The following APP variants were observed in gnomAD, a reference collection of about 807,000 sequenced individuals.
The protein encoded by APP is amyloid beta precursor protein, also known as amyloid-beta precursor protein.
A neutral mutation model predicts 101.4 loss-of-function variants in APP; 31 were observed. The ratio of observed to expected loss-of-function variants is 0.31; its 90% confidence interval spans 0.23 to 0.41. The LOEUF is 0.41. Among genes scored for constraint, APP ranks in the 10% least tolerant of loss-of-function variants. The pLI is 1.00. For synonymous variants in APP, 366 were observed against 364.4 expected (o/e 1.00, Z -0.05); for missense variants, 839 against 1,003.7 (o/e 0.84, Z 2.22).
intron 11 of APP, among the ~76,000 whole-genome samples, chr21:25,958,316 T>C (rs1468604727): frequency 6.6e-6 from 1 of 152,108 alleles, no homozygotes; most frequent in Non-Finnish European, 1.5e-5. Flanking sequence ...TCGCCCTGTC[T>C]CCCAGGCTGG....
At chr21:25,935,860 A>AC (rs1569077404) in intron 13 of APP, among the ~76,000 whole-genome samples, 1 of 150,636 alleles carries the variant, frequency 6.6e-6, no homozygotes, top group Non-Finnish European at 1.5e-5. Flanking sequence ...AAAAAAAAAA[A>AC]ACCTGTCAAA....
chr21:26,103,650 C>G lies in APP; in HGVS notation c.225+8329G>C, dbSNP rs141514499. Among the ~76,000 whole-genome samples, 849 of 152,252 alleles carry G rather than the reference C, an allele frequency of 5.6e-3. 8 individuals carry two copies. The highest frequency in any genetic ancestry group is 0.017 in the Middle Eastern group (5 of 294). ...TTCTATCAATGGATAGAAATGGTCT[C>G]TGCAAAAGGAAAGTATAGGCTCCAT... On this transcript the variant is annotated intron_variant, in intron 2 of 17. Coordinates refer to ENST00000346798, the MANE Select transcript of APP (RefSeq NM_000484.4).
chr21:25,918,982 T>C (rs2039504510), intron 13 of APP, among the ~76,000 whole-genome samples: 1 of 62,132 alleles, frequency 1.6e-5, no homozygotes, highest in South Asian at 6.7e-4. Flanking sequence ...AATGTCCCTG[T>C]CTGACAGCTT....
intron 13 of APP, among the ~76,000 whole-genome samples, chr21:25,953,088 T>G (rs951023031): frequency 8.7e-6 from 1 of 115,298 alleles, no homozygotes; most frequent in East Asian, 2.6e-4. Flanking sequence ...CACTATGAAG[T>G]TGCTTTTTTT....
At chr21:26,030,732 G>A (rs965641706) in intron 5 of APP, among the ~76,000 whole-genome samples, 46 of 152,328 alleles carry the variant, frequency 3.0e-4, no homozygotes, top group African/African-American at 1.1e-3. Context: ...TTCTTGATAT[G>A]TGAAAAAGTT....
At chr21:26,169,190 G>A (rs2063684207) in intron 1 of APP, 1 of 152,254 alleles carries the variant, frequency 6.6e-6, no homozygotes, top group Non-Finnish European at 1.5e-5. Flanking sequence ...TTCGAGAGTT[G>A]GATGAATGGG....
At chr21:25,949,501 A>G (rs539118669) in intron 13 of APP, among the ~76,000 whole-genome samples, 1 of 152,348 alleles carries the variant, frequency 6.6e-6, no homozygotes, top group African/African-American at 2.4e-5. Context: ...CTAGATGTCA[A>G]GGAAGGAGTT....
intron 3 of APP, among the ~76,000 whole-genome samples, chr21:26,056,140 C>A (rs2046031921): frequency 6.6e-6 from 1 of 152,180 alleles, no homozygotes; most frequent in African/African-American, 2.4e-5. Context: ...GGGGGTCATG[C>A]AATCCTCCCA....
chr21:26,020,129 A>G (rs972698932), intron 6 of APP, among the ~76,000 whole-genome samples: 6 of 152,250 alleles, frequency 3.9e-5, no homozygotes, highest in Admixed American at 1.3e-4. Context: ...AGCTCAAGTT[A>G]AAGAAATGTA....
At chr21:25,902,517 C>G (rs374314149) in intron 15 of APP, among the ~76,000 whole-genome samples, 9 of 146,490 alleles carry the variant, frequency 6.1e-5, no homozygotes, top group African/African-American at 2.2e-4. Flanking sequence ...CATTCTTTCT[C>G]AACTTTAGCC....
chr21:25,886,185 A>G (rs2037313702), intron 17 of APP, among the ~76,000 whole-genome samples: 2 of 152,134 alleles, frequency 1.3e-5, no homozygotes, highest in East Asian at 3.9e-4. Context: ...AAAAAAAATA[A>G]AAGCAAAGAA....
chr21:25,935,315 C>G (rs2040314203), intron 13 of APP: 1 of 152,104 alleles, frequency 6.6e-6, no homozygotes, highest in Non-Finnish European at 1.5e-5. Flanking sequence ...AAAAAAATCT[C>G]CAGTAGTCTA....
At chr21:26,036,256 C>A (rs115203601) in intron 5 of APP, among the ~76,000 whole-genome samples, 2,977 of 121,620 alleles carry the variant, frequency 0.024, 94 homozygotes, top group African/African-American at 0.091. Context: ...TAATTAAAAC[C>A]ACAAAGGCTA....
rs913378009 is a variant in APP, at chr21:25,982,378, C to T, written c.1190G>A (p.Arg397Lys). ...EHAHFQKAKE[R>K]LEAKHRERMS... ...TCTCTCTCGGTGCTTGGCCTCAAGC[C>T]TCTCTTTGGCTTTCTGGAAATGGGC... Residue 397 changes from arginine to lysine, a missense_variant, in exon 9 of 18, where the codon AGG becomes AAG. Coordinates refer to ENST00000346798, the MANE Select transcript of APP (RefSeq NM_000484.4). 1 of 1,613,880 alleles carries T rather than the reference C, an allele frequency of 6.2e-7. No homozygotes were observed. Among genetic ancestry groups the T allele is most frequent in the South Asian group, 1.1e-5 (1 of 91,068 alleles).
intron 7 of APP, among the ~76,000 whole-genome samples, chr21:25,998,571 G>C (rs2043148177): frequency 6.6e-6 from 1 of 151,992 alleles, no homozygotes; most frequent in Admixed American, 6.6e-5. Flanking sequence ...CCCTTCTGTT[G>C]TTTTGCTTAA....
At chr21:26,096,967 G>A (rs1027427712) in intron 2 of APP, among the ~76,000 whole-genome samples, 4 of 152,148 alleles carry the variant, frequency 2.6e-5, no homozygotes, top group African/African-American at 9.7e-5. Context: ...ATCTGACAGG[G>A]CCTGCCTGTG....
At chr21:25,906,506 C>T (rs116980301) in intron 14 of APP, among the ~76,000 whole-genome samples, 237 of 152,368 alleles carry the variant, frequency 1.6e-3, no homozygotes, top group Middle Eastern at 0.01. Flanking sequence ...TACAGAACTG[C>T]ACTGATTAAA....
At chr21:25,929,923 C>T (rs1394841) in intron 13 of APP, among the ~76,000 whole-genome samples, 7,258 of 152,056 alleles carry the variant, frequency 0.048, 576 homozygotes, top group African/African-American at 0.17. Flanking sequence ...TCTGAACCCA[C>T]TAAGAGAGAG....
intron 3 of APP, among the ~76,000 whole-genome samples, chr21:26,089,234 A>G (rs1188977471): frequency 2.0e-5 from 3 of 152,228 alleles, no homozygotes; most frequent in African/African-American, 7.2e-5. Context: ...CTGGTCACAT[A>G]AAAACAACAA....
Sources: gnomAD v4.1 joint callset for allele counts (sites outside exome capture counted in the v4.1 genomes callset) on GRCh38, gnomAD v4.1.1 for gene constraint, MANE v1.5 for transcripts, NCBI Gene and HGNC (gene_info 2026-07-23, HGNC 2026-07-21) for gene names.